The following INKA2 variants were observed in gnomAD, a reference collection of about 807,000 sequenced individuals.
The protein encoded by INKA2 is inka box actin regulator 2, also known as PAK4-inhibitor INKA2.
In INKA2, 3 loss-of-function variants were observed where a neutral mutation model predicts 9.8. The ratio of observed to expected loss-of-function variants is 0.31; its 90% CI spans 0.14 to 0.79. The LOEUF (loss-of-function observed/expected upper bound fraction) is 0.79, where lower values mean the gene tolerates loss of function less well. INKA2 is among the 30% of genes least tolerant of loss of function. The pLI is 0.62. For synonymous variants in INKA2, 147 were observed against 143.3 expected (o/e 1.03, Z -0.18); for missense variants, 392 against 384.4 (o/e 1.02, Z -0.17).
intron 1 of INKA2, among the ~76,000 whole-genome samples, chr1:111,732,473 G>A (rs1662928792): frequency 6.6e-6 from 1 of 151,950 alleles, no homozygotes; most frequent in Non-Finnish European, 1.5e-5. Flanking sequence ...GCTCTCAGGG[G>A]TCAGCTGAGA....
upstream of INKA2, among the ~76,000 whole-genome samples, chr1:111,743,579 A>G (rs1213792748): frequency 6.6e-6 from 1 of 152,114 alleles, no homozygotes; most frequent in Non-Finnish European, 1.5e-5. Flanking sequence ...AAACACCACC[A>G]TTCTCCTGGC....
chr1:111,740,815 A>G (rs544969768), upstream of INKA2, among the ~76,000 whole-genome samples: 2 of 152,134 alleles, frequency 1.3e-5, no homozygotes, highest in South Asian at 4.1e-4. Context: ...TCCACTAAAA[A>G]TACAAAATTA....
chr1:111,739,368 C>G lies in INKA2; in HGVS notation c.-126G>C. 2 of 1,528,996 alleles carry G rather than the reference C, an allele frequency of 1.3e-6. No homozygotes were observed. The highest frequency in any genetic ancestry group is 1.8e-6 in the Non-Finnish European group (2 of 1,137,590). 94.7% of individuals were successfully genotyped at this position (1,528,996 alleles called of 1,614,324 possible). Reference sequence around the variant, plus strand: ...TAGCGCTCGCAGCGCGGAGCTGAGCCTGCGCTCCGAGCCCGGGACTCAGAG... The same window carrying G: ...TAGCGCTCGCAGCGCGGAGCTGAGCGTGCGCTCCGAGCCCGGGACTCAGAG... On this transcript the variant is annotated 5_prime_UTR_variant, in exon 1 of 2. Coordinates refer to ENST00000357260, the MANE Select transcript of INKA2 (RefSeq NM_019099.5).
At chr1:111,746,638 A>G (rs1354204254) in intron 1 of INKA2, 1 of 152,230 alleles carries the variant, frequency 6.6e-6, no homozygotes, top group Admixed American at 6.5e-5. Context: ...CTGGAAGAAA[A>G]GATTTGTGGG....
At chr1:111,748,768 C>T (rs1016944707) in intron 1 of INKA2, among the ~76,000 whole-genome samples, 1 of 152,140 alleles carries the variant, frequency 6.6e-6, no homozygotes, top group Admixed American at 6.5e-5. Flanking sequence ...TTAATCAACC[C>T]AGTTGCTGTA....
chr1:111,750,510 T>C (rs1337561972), intron 1 of INKA2, among the ~76,000 whole-genome samples: 1 of 152,180 alleles, frequency 6.6e-6, no homozygotes, highest in Non-Finnish European at 1.5e-5. Context: ...ACAATGAAAG[T>C]ACCCGTGGCT....
Position 111,726,841 on chromosome 1 carries a change from G to A in INKA2, c.*127C>T, listed in dbSNP as rs575895630. On this transcript the variant is annotated 3_prime_UTR_variant, in exon 2 of 2. Coordinates refer to ENST00000357260, the MANE Select transcript of INKA2 (RefSeq NM_019099.5). Reference sequence around the variant, plus strand: ...GAGCCAAGAACTCTGGCTTCTCCCCGCTTTCTGGGGGAAAGGAACTTGGAG... The same window carrying A: ...GAGCCAAGAACTCTGGCTTCTCCCCACTTTCTGGGGGAAAGGAACTTGGAG... The A allele has an allele frequency of 8.4e-5, 84 of 994,648 alleles. No homozygotes were observed. The highest frequency in any genetic ancestry group is 7.5e-4 in the African/African-American group (46 of 61,608). The allele number at this position is 994,648 out of a possible 1,614,324, so 61.6% of individuals were successfully genotyped here. A position where few individuals can be genotyped will look rare whatever the true frequency, so the allele number is the denominator to read the frequency against.
At chr1:111,734,822 C>T (rs1662979860) in intron 1 of INKA2, among the ~76,000 whole-genome samples, 1 of 152,232 alleles carries the variant, frequency 6.6e-6, no homozygotes. Context: ...GAAGCTTTCT[C>T]CAATCTCCCA....
At chr1:111,743,623 A>G (rs949156131), upstream of INKA2, among the ~76,000 whole-genome samples, 1 of 152,194 alleles carries the variant, frequency 6.6e-6, no homozygotes, top group Non-Finnish European at 1.5e-5. Flanking sequence ...GGAGGTCCCT[A>G]TCCACCAGGT....
intron 1 of INKA2, among the ~76,000 whole-genome samples, chr1:111,732,633 C>T (rs1366795796): frequency 1.3e-5 from 2 of 151,516 alleles, no homozygotes; most frequent in Non-Finnish European, 2.9e-5. Flanking sequence ...AAAGGTAAAA[C>T]CCTTAATAAC....
intron 1 of INKA2, among the ~76,000 whole-genome samples, chr1:111,732,971 C>T (rs910164247): frequency 6.6e-6 from 1 of 152,214 alleles, no homozygotes; most frequent in Non-Finnish European, 1.5e-5. Context: ...ACGACAACTC[C>T]TGGTGTCAGC....
At chr1:111,737,518 G>T (rs930936035) in intron 1 of INKA2, among the ~76,000 whole-genome samples, 8 of 152,200 alleles carry the variant, frequency 5.3e-5, no homozygotes, top group Non-Finnish European at 1.0e-4. Context: ...TCTTTTCTCT[G>T]CATGGGTCTT....
At chr1:111,755,151 CGG>C in intron 1 of INKA2, 1 of 158,656 alleles carries the variant, frequency 6.3e-6, no homozygotes, top group African/African-American at 2.4e-5. Flanking sequence ...TGCATGGAGG[CGG>C]ATGCGGAGGC....
In INKA2 at chr1:111,727,733, C is replaced by T. The variant is rs1242247275; in HGVS notation, c.129G>A (p.Leu43=). Residue 43 remains leucine, a synonymous_variant, in exon 2 of 2, where the codon CTG becomes CTA. Coordinates refer to ENST00000357260, the MANE Select transcript of INKA2 (RefSeq NM_019099.5). ...MNCMMGALQE[L]KLLQVQTALE... Reference sequence around the variant, plus strand: ...GTGCTGTCTGCACCTGGAGGAGCTTCAGTTCTTGCAGTGCACCCATCATGC... The same window carrying T: ...GTGCTGTCTGCACCTGGAGGAGCTTTAGTTCTTGCAGTGCACCCATCATGC... 3 of 1,613,710 alleles carry T rather than the reference C, an allele frequency of 1.9e-6. No individual in the cohort carries two copies. The highest frequency in any genetic ancestry group is 2.5e-6 in the Non-Finnish European group (3 of 1,180,034).
intron 1 of INKA2, among the ~76,000 whole-genome samples, chr1:111,729,229 G>A (rs1662853693): frequency 6.6e-6 from 1 of 152,214 alleles, no homozygotes; most frequent in Non-Finnish European, 1.5e-5. Context: ...GGTCAGAAGG[G>A]AGACAAGGAG....
chr1:111,749,652 G>T (rs922052865), intron 1 of INKA2, among the ~76,000 whole-genome samples: 6 of 152,156 alleles, frequency 3.9e-5, no homozygotes, highest in Admixed American at 6.5e-5. Context: ...TAGGGTGATA[G>T]AAATTCTTTT....
At position 111,725,103 on chromosome 1, in the gene INKA2, A is replaced by G. The variant is rs1178107471; in HGVS notation, c.*1865T>C. 5 of 152,216 alleles carry G rather than the reference A, an allele frequency of 3.3e-5. No homozygotes were observed. Among genetic ancestry groups the G allele is most frequent in the Non-Finnish European group, 7.3e-5 (5 of 68,082 alleles). 9.4% of individuals were successfully genotyped at this position (152,216 alleles called of 1,614,324 possible). A position where few individuals can be genotyped will look rare whatever the true frequency, so the allele number is the denominator to read the frequency against. ...CCCTAACCACCGCGGCTGCGCCCCC[A>G]TAATCCCATCTTGAGCTCTGCCCCT... On this transcript the variant is annotated 3_prime_UTR_variant, in exon 2 of 2. Coordinates refer to ENST00000357260, the MANE Select transcript of INKA2 (RefSeq NM_019099.5).
intron 1 of INKA2, among the ~76,000 whole-genome samples, chr1:111,734,339 T>C (rs1204420972): frequency 1.3e-5 from 2 of 152,160 alleles, no homozygotes; most frequent in East Asian, 3.8e-4. Context: ...CTTTAACTTC[T>C]CTCCGTTGCA....
chr1:111,725,424 G>A lies in INKA2; in HGVS notation c.*1544C>T, dbSNP rs999061961. 1.3e-5 allele frequency: 2 copies of A among 152,202 alleles called. No homozygotes were observed. Among genetic ancestry groups the A allele is most frequent in the Non-Finnish European group, 2.9e-5 (2 of 68,054 alleles). The allele number at this position is 152,202 out of a possible 1,614,324, so 9.4% of individuals were successfully genotyped here. A position where few individuals can be genotyped will look rare whatever the true frequency, so the allele number is the denominator to read the frequency against. On this transcript the variant is annotated 3_prime_UTR_variant, in exon 2 of 2. Transcript: ENST00000357260. The stretch of plus-strand genomic sequence containing the variant: ...GCTTCCCAGGGCAGTCCTGGGGGGG[G>A]GCCTGGATCACTAGGTGGCCCTCCT...
Sources: gnomAD v4.1 joint callset for allele counts (sites outside exome capture counted in the v4.1 genomes callset) on GRCh38, gnomAD v4.1.1 for gene constraint, MANE v1.5 for transcripts, NCBI Gene and HGNC (gene_info 2026-07-23, HGNC 2026-07-21) for gene names.